Variants in NHS observed in about 807,000 individuals in gnomAD.
NHS encodes the protein NHS actin remodeling regulator.
In NHS, 5 loss-of-function variants were observed where a neutral mutation model predicts 72.5. The observed-to-expected ratio is 0.07, with a 90% CI of 0.04 to 0.14. The LOEUF (loss-of-function observed/expected upper bound fraction) is 0.14. Ranked by LOEUF, NHS falls within the 10% of genes least tolerant of loss-of-function variation. NHS has a pLI of 1.00. For missense variants in NHS, 1,072 were observed against 1,355.7 expected, an observed-to-expected ratio of 0.79 and a Z score of 3.29; for synonymous variants, 464 against 547.7, an observed-to-expected ratio of 0.85 and a Z score of 2.13.
At position 17,407,991 on chromosome X, in the gene NHS, G is replaced by A. The variant is rs191477444; in HGVS notation, c.565+31669G>A. Among the ~76,000 whole-genome samples, 10 of 111,314 alleles carry A rather than the reference G, an allele frequency of 9.0e-5. No individual in the cohort carries two copies. The East Asian group carries it at 2.8e-3, about 32-fold the overall frequency. ...GTTATTTATTGATTCTGCTCATAAC[G>A]TAACAGTATATGTATTTTTGTTGTT... On this transcript the variant is annotated intron_variant, in intron 1 of 8. Coordinates refer to ENST00000676302, the MANE Select transcript of NHS (RefSeq NM_001291867.2).
intron 2 of NHS, among the ~76,000 whole-genome samples, chrX:17,692,094 G>A (rs1460398081): frequency 8.9e-6 from 1 of 111,836 alleles, no homozygotes; most frequent in Non-Finnish European, 1.9e-5. Context: ...TCAGAAGTGA[G>A]CCCTCTTGTA....
chrX:17,446,647 CT>C (rs1268092110), intron 1 of NHS, among the ~76,000 whole-genome samples: 1 of 103,376 alleles, frequency 9.7e-6, no homozygotes, highest in Admixed American at 1.0e-4. Flanking sequence ...AATAAACAGC[CT>C]TTTTGCCCAA....
intron 1 of NHS, among the ~76,000 whole-genome samples, chrX:17,547,102 C>T (rs1343903608): frequency 3.6e-5 from 4 of 112,224 alleles, no homozygotes; most frequent in Admixed American, 1.9e-4. Flanking sequence ...CTTTTTCTTG[C>T]ATTGGGAAGG....
chrX:17,419,878 A>G (rs1437043037), intron 1 of NHS, among the ~76,000 whole-genome samples: 1 of 112,159 alleles, frequency 8.9e-6, no homozygotes, highest in Admixed American at 9.4e-5. Context: ...TGGAATAAGT[A>G]ATTCTGTCTT....
intron 1 of NHS, among the ~76,000 whole-genome samples, chrX:17,423,969 A>G (rs2064636648): frequency 8.9e-6 from 1 of 112,401 alleles, no homozygotes; most frequent in Non-Finnish European, 1.9e-5. Context: ...GCCTTATTTT[A>G]TGCCTTGCTA....
intron 1 of NHS, among the ~76,000 whole-genome samples, chrX:17,625,920 T>C (rs1347974011): frequency 2.7e-5 from 3 of 112,269 alleles, no homozygotes; most frequent in Admixed American, 9.4e-5. Context: ...TGGTAAATTT[T>C]CATCAGAAAT....
intron 1 of NHS, among the ~76,000 whole-genome samples, chrX:17,608,590 C>A (rs1257826948): frequency 9.0e-6 from 1 of 111,623 alleles, no homozygotes; most frequent in Non-Finnish European, 1.9e-5. Flanking sequence ...TACTCTCAGG[C>A]CTGGCTTCCC....
At chrX:17,533,929 C>T (rs772365113) in intron 1 of NHS, among the ~76,000 whole-genome samples, 22 of 113,104 alleles carry the variant, frequency 1.9e-4, no homozygotes, top group Non-Finnish European at 3.7e-4. Flanking sequence ...CATTAATATG[C>T]ACTTTTCTTG....
intron 2 of NHS, among the ~76,000 whole-genome samples, chrX:17,690,406 C>T (rs2066188845): frequency 8.9e-6 from 1 of 112,169 alleles, no homozygotes; most frequent in Non-Finnish European, 1.9e-5. Flanking sequence ...GCCTTGCTTC[C>T]ACCATGAGGG....
In NHS at chrX:17,469,763, G is replaced by A. The variant is rs142636750; in HGVS notation, c.565+93441G>A. 3.3e-3 allele frequency among the ~76,000 whole-genome samples: 373 copies of A among 111,440 alleles called. 2 individuals are homozygous for A. The highest frequency in any genetic ancestry group is 9.5e-3 in the African/African-American group (291 of 30,699). ...TCAAGTGATTCTCGTGCCTCAGCCT[G>A]CCAAGTAGCTGGGATTACAGGCATG... On this transcript the variant is annotated intron_variant, in intron 1 of 8. Transcript: ENST00000676302.
chrX:17,731,702 A>G (rs965485469), intron 8 of NHS, among the ~76,000 whole-genome samples, 156 bp from the exon 9 acceptor site: 1 of 111,598 alleles, frequency 9.0e-6, no homozygotes, highest in Non-Finnish European at 1.9e-5. Flanking sequence ...AACATATCTT[A>G]CTTTTCATCT....
chrX:17,723,138 T>C (rs949078711), intron 5 of NHS, among the ~76,000 whole-genome samples: 5 of 112,346 alleles, frequency 4.5e-5, no homozygotes, highest in Admixed American at 9.4e-5. Context: ...ATATTGTAAT[T>C]ATTCATCATA....
At chrX:17,490,840 C>T (rs1166673898) in intron 1 of NHS, among the ~76,000 whole-genome samples, 5 of 111,406 alleles carry the variant, frequency 4.5e-5, no homozygotes, top group African/African-American at 1.6e-4. Context: ...AGGTCCTTCA[C>T]ATCCCTTGTA....
intron 1 of NHS, among the ~76,000 whole-genome samples, chrX:17,611,350 A>G (rs2147056768): frequency 8.9e-6 from 1 of 112,034 alleles, no homozygotes; most frequent in East Asian, 2.8e-4. Flanking sequence ...TCCTAGTTCC[A>G]GAGGCACCTT....
chrX:17,703,209 G>A (rs766717187), intron 3 of NHS, among the ~76,000 whole-genome samples: 2 of 111,684 alleles, frequency 1.8e-5, no homozygotes, highest in East Asian at 5.6e-4. Context: ...GAGGTGGAAG[G>A]ATCACTTGAG....
At chrX:17,686,589 C>G (rs2066164163) in intron 1 of NHS, among the ~76,000 whole-genome samples, 1 of 112,405 alleles carries the variant, frequency 8.9e-6, no homozygotes, top group African/African-American at 3.2e-5. Flanking sequence ...TGTCCCTTCT[C>G]CCAGCTGTCA....
intron 1 of NHS, among the ~76,000 whole-genome samples, chrX:17,638,570 G>C (rs1047765559): frequency 9.0e-6 from 1 of 111,683 alleles, no homozygotes; most frequent in African/African-American, 3.3e-5. Flanking sequence ...AATGGGCTTT[G>C]GTGTCTGCCA....
Position 17,542,384 on chromosome X carries a change from C to A in NHS, c.566-145358C>A, listed in dbSNP as rs752453211. Among the ~76,000 whole-genome samples the A allele has an allele frequency of 4.4e-5, 5 of 113,469 alleles. No individual in the cohort carries two copies. In the South Asian group the frequency reaches 1.8e-3, roughly 40 times the overall value. The stretch of plus-strand genomic sequence containing the variant: ...TCACTGCCTGGCACTGGTGCTTATT[C>A]CTTCCTGGCATTGGCCCATGCCAGC... On this transcript the variant is annotated intron_variant, in intron 1 of 8. Coordinates refer to ENST00000676302, the MANE Select transcript of NHS (RefSeq NM_001291867.2).
At chrX:17,532,528 G>A (rs780649676) in intron 1 of NHS, among the ~76,000 whole-genome samples, 13 of 111,719 alleles carry the variant, frequency 1.2e-4, no homozygotes, top group Non-Finnish European at 2.1e-4. Flanking sequence ...CCCTCACTGT[G>A]CATTTGAAGG....
Sources: gnomAD v4.1 joint callset for allele counts (sites outside exome capture counted in the v4.1 genomes callset) on GRCh38, gnomAD v4.1.1 for gene constraint, MANE v1.5 for transcripts, NCBI Gene and HGNC (gene_info 2026-07-23, HGNC 2026-07-21) for gene names.